PPP1R14C: variants seen among roughly 807,000 people sequenced by gnomAD.
PPP1R14C encodes protein phosphatase 1 regulatory inhibitor subunit 14C.
PPP1R14C carries 16 observed loss-of-function variants against 20.4 expected under a neutral mutation model. That is an observed-to-expected ratio of 0.78 (90% CI 0.53 to 1.19). The LOEUF is 1.19. Among genes scored for constraint, PPP1R14C ranks in the 50% most tolerant of loss-of-function variants. PPP1R14C has a pLI of 0.00. For missense variants in PPP1R14C, 211 were observed against 220.1 expected (o/e 0.96, Z 0.26); for synonymous variants, 91 against 91.0 (o/e 1.00, Z 0.00).
At chr6:150,204,318 T>G (rs1168764501) in intron 1 of PPP1R14C, among the ~76,000 whole-genome samples, 2 of 152,250 alleles carry the variant, frequency 1.3e-5, no homozygotes, top group African/African-American at 4.8e-5. Context: ...TTAGTGTTCA[T>G]AAGCAGAGCA....
At chr6:150,207,326 T>C (rs1777965845) in intron 1 of PPP1R14C, among the ~76,000 whole-genome samples, 1 of 152,242 alleles carries the variant, frequency 6.6e-6, no homozygotes, top group Admixed American at 6.5e-5. Flanking sequence ...GCTACTTCTG[T>C]CTAAGGCCCA....
At chr6:150,186,718 C>T (rs544348379) in intron 1 of PPP1R14C, among the ~76,000 whole-genome samples, 3 of 152,190 alleles carry the variant, frequency 2.0e-5, no homozygotes, top group South Asian at 2.1e-4. Context: ...AAGCTGGGGA[C>T]GGCCTGGACC....
intron 1 of PPP1R14C, among the ~76,000 whole-genome samples, chr6:150,207,358 G>A (rs1777966253): frequency 6.6e-6 from 1 of 152,220 alleles, no homozygotes; most frequent in South Asian, 2.1e-4. Flanking sequence ...TCCTACCCCA[G>A]CCACTCTAAA....
intron 1 of PPP1R14C, among the ~76,000 whole-genome samples, chr6:150,174,301 G>T (rs1301320117): frequency 6.6e-6 from 1 of 152,048 alleles, no homozygotes; most frequent in Admixed American, 6.5e-5. Flanking sequence ...CTCACTGCAA[G>T]CTCTGCCTCC....
intron 2 of PPP1R14C, 138 bp downstream of exon 2, chr6:150,214,965 G>A (rs1170509659): frequency 4.9e-6 from 3 of 615,184 alleles, no homozygotes; most frequent in East Asian, 2.9e-5. Flanking sequence ...AGAGAGGAAA[G>A]CAATGGGCTG....
intron 1 of PPP1R14C, among the ~76,000 whole-genome samples, chr6:150,200,570 C>G (rs1777864848): frequency 6.6e-6 from 1 of 152,176 alleles, no homozygotes; most frequent in South Asian, 2.1e-4. Context: ...TCTCATGGCC[C>G]TGCCCCTGGC....
intron 3 of PPP1R14C, among the ~76,000 whole-genome samples, chr6:150,231,675 G>C (rs1174779065): frequency 6.6e-6 from 1 of 152,178 alleles, no homozygotes; most frequent in Non-Finnish European, 1.5e-5. Context: ...GGAATCATGT[G>C]GGGGTGACAA....
In PPP1R14C at chr6:150,143,769, A is replaced by G. The variant is rs538057687; in HGVS notation, c.306+271A>G. ...TGGGGAGGGTTGGGTCCCGCGGAGC[A>G]CAGTGCTTTTCTCCGAGCTCCGGGC... On this transcript the variant is annotated intron_variant, in intron 1 of 3. Transcript: ENST00000361131. This position sits in a 1 kb window ranked among gnomAD's most constrained non-coding sequence, Gnocchi z 5.6. Among the ~76,000 whole-genome samples, 102 of 152,110 alleles carry G rather than the reference A, an allele frequency of 6.7e-4. 1 individual carries two copies. Among genetic ancestry groups the G allele is most frequent in the African/African-American group, 2.3e-3 (97 of 41,508 alleles).
In PPP1R14C at chr6:150,218,474, A is replaced by ACCCC. The variant is rs761314559; in HGVS notation, c.423+1626_423+1629dup. On this transcript the variant is annotated intron_variant, in intron 3 of 3. Coordinates refer to ENST00000361131, the MANE Select transcript of PPP1R14C (RefSeq NM_030949.3). ...ATTAATGTAATACTAATACATCTGA[A>ACCCC]CCCCCCCCCCCAAAAAAAAATTCTG... Among the ~76,000 whole-genome samples, 17 of 98,348 alleles carry ACCCC rather than the reference A, an allele frequency of 1.7e-4. No individual in the cohort carries two copies. In the East Asian group the frequency reaches 3.2e-3, roughly 19 times the overall value. 64.5% of individuals were successfully genotyped at this position (98,348 alleles called of 152,430 possible).
At chr6:150,184,521 A>G (rs760399099) in intron 1 of PPP1R14C, among the ~76,000 whole-genome samples, 2 of 152,146 alleles carry the variant, frequency 1.3e-5, no homozygotes, top group Non-Finnish European at 2.9e-5. Flanking sequence ...TTCTCAGAAC[A>G]TATCCCTTTT....
chr6:150,199,216 A>G (rs1321106693), intron 1 of PPP1R14C, among the ~76,000 whole-genome samples: 3 of 152,134 alleles, frequency 2.0e-5, no homozygotes. Context: ...TGGGGCAGGT[A>G]TTTTATGAAT....
intron 2 of PPP1R14C, among the ~76,000 whole-genome samples, chr6:150,215,167 G>T (rs1362379790): frequency 6.6e-6 from 1 of 152,212 alleles, no homozygotes; most frequent in Admixed American, 6.5e-5. Flanking sequence ...GAAAGAGAGG[G>T]ACTGAGCTAG....
intron 1 of PPP1R14C, among the ~76,000 whole-genome samples, chr6:150,152,208 G>T (rs1469137244): frequency 6.6e-6 from 1 of 151,630 alleles, no homozygotes; most frequent in Non-Finnish European, 1.5e-5. Flanking sequence ...CAGTAACTCT[G>T]CAAGGTAGGT....
At chr6:150,182,591 C>T (rs770312374) in intron 1 of PPP1R14C, among the ~76,000 whole-genome samples, 16 of 152,174 alleles carry the variant, frequency 1.1e-4, no homozygotes, top group Non-Finnish European at 2.2e-4. Flanking sequence ...GGGACACAAA[C>T]ACTCAGTCCA....
At position 150,156,331 on chromosome 6, in the gene PPP1R14C, T is replaced by C. The variant is rs1292184630; in HGVS notation, c.306+12833T>C. Among the ~76,000 whole-genome samples, 11 of 149,604 alleles carry C rather than the reference T, an allele frequency of 7.4e-5. No individual in the cohort carries two copies. The Admixed American group carries it at 7.4e-4, about 10-fold the overall frequency. On this transcript the variant is annotated intron_variant, in intron 1 of 3. Transcript: ENST00000361131. ...ATTATCATTGACATGGTAGAAGTAA[T>C]GCTTTTTCTAAATACAATGTAAAAA... is the stretch of plus-strand genomic sequence containing the variant.
intron 1 of PPP1R14C, among the ~76,000 whole-genome samples, chr6:150,172,497 C>T (rs967486454): frequency 5.3e-5 from 8 of 152,102 alleles, no homozygotes; most frequent in Non-Finnish European, 1.2e-4. Flanking sequence ...AGATAGAGAG[C>T]GAGGTACAGC....
At chr6:150,233,294 C>T (rs1482287648) in intron 3 of PPP1R14C, among the ~76,000 whole-genome samples, 2 of 152,260 alleles carry the variant, frequency 1.3e-5, no homozygotes, top group Middle Eastern at 3.4e-3. Flanking sequence ...CTTCACTTCA[C>T]ATCATTGGTA....
At position 150,242,758 on chromosome 6, in the gene PPP1R14C, A is replaced by G. The variant is rs73612086; in HGVS notation, c.424-5988A>G. On this transcript the variant is annotated intron_variant, in intron 3 of 3. Transcript: ENST00000361131. Reference sequence around the variant, plus strand: ...AGGCTTCTAAATAGGAAGAAGTAAAATTGTTTTTATTGATAGACAATGTGA... The same window carrying G: ...AGGCTTCTAAATAGGAAGAAGTAAAGTTGTTTTTATTGATAGACAATGTGA... 8.9e-3 allele frequency among the ~76,000 whole-genome samples: 1,357 copies of G among 152,326 alleles called. 22 individuals carry two copies. Among genetic ancestry groups the G allele is most frequent in the African/African-American group, 0.03 (1,263 of 41,560 alleles).
At chr6:150,161,260 A>G (rs1777364465) in intron 1 of PPP1R14C, among the ~76,000 whole-genome samples, 1 of 141,184 alleles carries the variant, frequency 7.1e-6, no homozygotes, top group Non-Finnish European at 1.5e-5. Flanking sequence ...AGCCTGGGTG[A>G]CAGAGCAAGA....
Sources: allele counts gnomAD v4.1 joint callset (sites outside exome capture counted in the v4.1 genomes callset), GRCh38; gene constraint gnomAD v4.1.1; non-coding constraint Gnocchi (gnomAD v3.1); transcripts MANE v1.5; gene names NCBI Gene and HGNC (gene_info 2026-07-23, HGNC 2026-07-21).